PCNX2: variants seen among roughly 807,000 people sequenced by gnomAD.
PCNX2 encodes the protein pecanex 2, also known as pecanex-like protein 2.
Under a neutral mutation model 223.8 loss-of-function variants are expected in PCNX2, and 168 were observed. That is an observed-to-expected ratio of 0.75 (90% CI 0.66 to 0.85). PCNX2 has a LOEUF of 0.85. Among genes scored for constraint, PCNX2 ranks in the 40% least tolerant of loss-of-function variants. The pLI is 0.00. For synonymous variants in PCNX2, 1,006 were observed against 1,052.6 expected, an observed-to-expected ratio of 0.96 and a Z score of 0.86; for missense variants, 2,507 against 2,675.5, an observed-to-expected ratio of 0.94 and a Z score of 1.39.
chr1:233,225,380 C>A (rs375535681), intron 10 of PCNX2, among the ~76,000 whole-genome samples: 2 of 152,000 alleles, frequency 1.3e-5, no homozygotes, highest in African/African-American at 4.8e-5. Flanking sequence ...AGATAGGAAA[C>A]GGACGCACTG....
chr1:233,192,593 G>A (rs1680482677), intron 15 of PCNX2, among the ~76,000 whole-genome samples: 1 of 151,914 alleles, frequency 6.6e-6, no homozygotes, highest in Non-Finnish European at 1.5e-5. Context: ...ACTTACAGAA[G>A]CTTTCTAAAG....
intron 1 of PCNX2, among the ~76,000 whole-genome samples, chr1:233,272,345 C>T (rs1660681707): frequency 6.7e-6 from 1 of 148,714 alleles, no homozygotes; most frequent in African/African-American, 2.5e-5. Context: ...CATGAATAGA[C>T]AATTATCAAA....
chr1:233,318,924 G>A, the PCNX2 span, among the ~76,000 whole-genome samples: 3 of 151,936 alleles, frequency 2.0e-5, no homozygotes, highest in Non-Finnish European at 2.9e-5. Flanking sequence ...CCCCACTTAC[G>A]TTTCATCTGC....
At chr1:233,250,713 A>G in intron 8 of PCNX2, 26 bp downstream of exon 8, 1 of 1,578,058 alleles carries the variant, frequency 6.3e-7, no homozygotes, top group Admixed American at 1.9e-5. Context: ...AACAGCTCTC[A>G]AGCCTGGAAA....
chr1:233,129,201 G>A (rs886105965), intron 21 of PCNX2, among the ~76,000 whole-genome samples: 6 of 152,236 alleles, frequency 3.9e-5, no homozygotes, highest in Non-Finnish European at 1.5e-5. Context: ...TGGGCTTGGC[G>A]GGCCCCGCAC....
chr1:233,077,900 A>C (rs950325373), intron 23 of PCNX2, among the ~76,000 whole-genome samples: 2 of 152,224 alleles, frequency 1.3e-5, no homozygotes, highest in Non-Finnish European at 2.9e-5. Context: ...AGAGCATTAT[A>C]AGCCCTATGG....
rs3033291 is a variant in PCNX2 at position 233,126,517 on chromosome 1, T to TTGTG, written c.3837+8492_3837+8495dup. On this transcript the variant is annotated intron_variant, in intron 21 of 33. Transcript: ENST00000258229. This position sits in a 1 kb window ranked among gnomAD's most constrained non-coding sequence, Gnocchi z 4.8. ...AAATTTGTGTGGTGTGTGTGTGTGT[T>TTGTG]TGTGTGTGTGTGTGTGTGTGTAAAT... is the stretch of plus-strand genomic sequence containing the variant. Among the ~76,000 whole-genome samples, 52 of 148,036 alleles carry TTGTG rather than the reference T, an allele frequency of 3.5e-4. No individual in the cohort carries two copies. Among genetic ancestry groups the TTGTG allele is most frequent in the East Asian group, 2.6e-3 (13 of 5,008 alleles).
At chr1:233,251,414 G>T (rs1190711906) in intron 7 of PCNX2, among the ~76,000 whole-genome samples, 12 of 152,172 alleles carry the variant, frequency 7.9e-5, no homozygotes, top group Admixed American at 7.9e-4. Flanking sequence ...AGCAGTTCAG[G>T]ATACTGAGGT....
intron 23 of PCNX2, among the ~76,000 whole-genome samples, chr1:233,069,962 A>G (rs1028555833): frequency 2.6e-5 from 4 of 152,154 alleles, no homozygotes; most frequent in African/African-American, 4.8e-5. Context: ...AATCAATAAC[A>G]TCGAAAAATC....
chr1:233,052,824 C>T (rs1031437171), intron 25 of PCNX2, among the ~76,000 whole-genome samples: 1 of 151,972 alleles, frequency 6.6e-6, no homozygotes, highest in Non-Finnish European at 1.5e-5. Context: ...CCAAAAAGTC[C>T]TTCCAGGCTT....
intron 32 of PCNX2, among the ~76,000 whole-genome samples, chr1:232,996,313 C>T (rs900125269): frequency 2.0e-5 from 3 of 152,196 alleles, no homozygotes; most frequent in African/African-American, 7.2e-5. Flanking sequence ...CCTGGAAGTA[C>T]TGGCAAATGA....
chr1:233,244,232 C>T (rs1437860308), intron 8 of PCNX2, among the ~76,000 whole-genome samples: 2 of 152,244 alleles, frequency 1.3e-5, no homozygotes, highest in Middle Eastern at 3.4e-3. Context: ...AGTTGCATAA[C>T]GTCAAACAAA....
chr1:233,175,164 A>AG lies in PCNX2; in HGVS notation c.3273+2637dup, dbSNP rs1679409899. ...GAGAAACAAAATCAGAGACAATGGGAGGGGGGTTTATGCTTGCACAGTGTC... is the reference window on the plus strand; with the variant it reads ...GAGAAACAAAATCAGAGACAATGGGAGGGGGGGTTTATGCTTGCACAGTGTC... On this transcript the variant is annotated intron_variant, in intron 17 of 33. Coordinates refer to ENST00000258229, the MANE Select transcript of PCNX2 (RefSeq NM_014801.4). 2.0e-5 allele frequency among the ~76,000 whole-genome samples: 3 copies of AG among 152,084 alleles called. No homozygotes were observed. The South Asian group carries it at 6.2e-4, about 32-fold the overall frequency.
intron 17 of PCNX2, among the ~76,000 whole-genome samples, chr1:233,164,972 A>C (rs576349710): frequency 4.6e-4 from 70 of 152,360 alleles, no homozygotes; most frequent in African/African-American, 1.6e-3. Flanking sequence ...GTAGGAAGAC[A>C]ATAGTAACAA....
At chr1:233,294,798 C>T (rs1661973118) in intron 1 of PCNX2, among the ~76,000 whole-genome samples, 1 of 151,958 alleles carries the variant, frequency 6.6e-6, no homozygotes, top group African/African-American at 2.4e-5. Flanking sequence ...ATTATATCTT[C>T]CTACAGATTT....
chr1:233,095,263 A>G (rs924073777), intron 22 of PCNX2: 3 of 152,872 alleles, frequency 2.0e-5, no homozygotes, highest in Non-Finnish European at 4.4e-5. Flanking sequence ...CTAAAAGACC[A>G]TAATTTAATT....
chr1:233,130,500 T>TGC (rs1676423769), intron 21 of PCNX2, among the ~76,000 whole-genome samples: 2 of 151,294 alleles, frequency 1.3e-5, no homozygotes, highest in Admixed American at 1.3e-4. Context: ...TGTGTGTGTG[T>TGC]GTGTGATGGA....
chr1:233,305,602 C>T, the PCNX2 span, among the ~76,000 whole-genome samples: 97 of 152,176 alleles, frequency 6.4e-4, no homozygotes, highest in African/African-American at 2.1e-3. Flanking sequence ...TGTGCTCCCA[C>T]GCCCAGCTAA....
chr1:233,001,297 T>C lies in PCNX2; in HGVS notation c.5097+240A>G, dbSNP rs527367811. On this transcript the variant is annotated intron_variant, in intron 29 of 33. Coordinates refer to ENST00000258229, the MANE Select transcript of PCNX2 (RefSeq NM_014801.4). This position sits in a 1 kb window ranked among gnomAD's most constrained non-coding sequence, Gnocchi z 4.2. ...GAGTTCGAGATCAGCCTGACCAACA[T>C]GGAGAAACCCCATTTCTACTACAAA... Among the ~76,000 whole-genome samples, 27 of 152,192 alleles carry C rather than the reference T, an allele frequency of 1.8e-4. No individual in the cohort carries two copies. Among genetic ancestry groups the C allele is most frequent in the African/African-American group, 5.8e-4 (24 of 41,538 alleles).
Sources: allele counts gnomAD v4.1 joint callset (sites outside exome capture counted in the v4.1 genomes callset), GRCh38; gene constraint gnomAD v4.1.1; non-coding constraint Gnocchi (gnomAD v3.1); transcripts MANE v1.5; gene names NCBI Gene and HGNC (gene_info 2026-07-23, HGNC 2026-07-21).